Variants in ZFYVE9 observed in about 807,000 individuals in gnomAD.
ZFYVE9 encodes the protein zinc finger FYVE domain-containing protein 9.
A neutral mutation model predicts 126.7 loss-of-function variants in ZFYVE9; 43 were observed. The observed-to-expected ratio is 0.34, with a 90% CI of 0.27 to 0.44. ZFYVE9 has a LOEUF of 0.44. ZFYVE9 is among the 20% of genes least tolerant of loss of function. The pLI is 1.00. For missense variants in ZFYVE9, 1,476 were observed against 1,697.0 expected (o/e 0.87, Z 2.29); for synonymous variants, 521 against 597.4 (o/e 0.87, Z 1.87).
chr1:52,236,910 T>C (rs1376948974), intron 3 of ZFYVE9, among the ~76,000 whole-genome samples: 1 of 152,206 alleles, frequency 6.6e-6, no homozygotes, highest in East Asian at 1.9e-4. Flanking sequence ...GTTTCATTTA[T>C]ACCTTTATCA....
chr1:52,265,281 C>T (rs1361187272), intron 5 of ZFYVE9, among the ~76,000 whole-genome samples: 1 of 152,060 alleles, frequency 6.6e-6, no homozygotes, highest in Non-Finnish European at 1.5e-5. Flanking sequence ...TTCCCTTTCT[C>T]CTTTTCTCTT....
At chr1:52,227,087 A>G (rs1030509133) in intron 2 of ZFYVE9, among the ~76,000 whole-genome samples, 1 of 152,230 alleles carries the variant, frequency 6.6e-6, no homozygotes, top group African/African-American at 2.4e-5. Flanking sequence ...CTACTCACTA[A>G]TGGAATGTTG....
At chr1:52,240,145 G>A (rs1410412810) in intron 4 of ZFYVE9, among the ~76,000 whole-genome samples, 1 of 152,110 alleles carries the variant, frequency 6.6e-6, no homozygotes, top group Non-Finnish European at 1.5e-5. Context: ...TTGATACAAA[G>A]TAGAGTTGAA....
chr1:52,324,845 T>C (rs1646275751), intron 13 of ZFYVE9, among the ~76,000 whole-genome samples: 1 of 152,188 alleles, frequency 6.6e-6, no homozygotes, highest in Admixed American at 6.5e-5. Context: ...CTAAAACTTA[T>C]TTTATTTGGC....
chr1:52,176,985 G>T (rs1054677338), intron 1 of ZFYVE9, among the ~76,000 whole-genome samples: 5 of 152,108 alleles, frequency 3.3e-5, no homozygotes, highest in South Asian at 2.1e-4. Context: ...CTCGTGCACA[G>T]TGCGCTGCAC....
At chr1:52,250,800 C>T (rs188452370) in intron 4 of ZFYVE9, among the ~76,000 whole-genome samples, 1 of 151,836 alleles carries the variant, frequency 6.6e-6, no homozygotes, top group Non-Finnish European at 1.5e-5. Flanking sequence ...TCCTCAACCT[C>T]CTGGGCTCAA....
At chr1:52,301,291 C>CTTTTTTT (rs527599525) in intron 12 of ZFYVE9, among the ~76,000 whole-genome samples, 1 of 72,636 alleles carries the variant, frequency 1.4e-5, no homozygotes, top group Non-Finnish European at 2.5e-5. Flanking sequence ...CTTTTTCCAT[C>CTTTTTTT]TTTTTTTTTT....
At chr1:52,288,199 C>A (rs1017262506) in intron 10 of ZFYVE9, among the ~76,000 whole-genome samples, 5 of 152,198 alleles carry the variant, frequency 3.3e-5, no homozygotes, top group African/African-American at 1.2e-4. Flanking sequence ...CTTAAGATCA[C>A]ACAGTTAGGT....
intron 3 of ZFYVE9, 83 bp from the exon 4 acceptor site, chr1:52,237,405 G>T: frequency 1.7e-6 from 2 of 1,206,512 alleles, no homozygotes; most frequent in South Asian, 1.7e-5. Context: ...ATTTTCAAAC[G>T]ATAGTTAGAA....
At chr1:52,204,226 T>G (rs1644952190) in intron 1 of ZFYVE9, among the ~76,000 whole-genome samples, 1 of 152,142 alleles carries the variant, frequency 6.6e-6, no homozygotes, top group Non-Finnish European at 1.5e-5. Flanking sequence ...GTTCTACGAT[T>G]AAGTCTCAGT....
Position 52,268,603 on chromosome 1 carries a change from C to A in ZFYVE9, c.2596C>A (p.Pro866Thr), listed in dbSNP as rs1193348733. ...GGCTGTGTCACACGACCCAGTCAAG[C>A]CAGTAACTACCAGTCCTCTACCAGC... ...TLAVSHDPVK[P>T]VTTSPLPAET... Residue 866 changes from proline to threonine, a missense_variant, in exon 7 of 19, where the codon CCA becomes ACA. This residue lies in a region of ZFYVE9 where 669 missense variants were observed against 902.4 expected (regional missense o/e 0.74). Coordinates refer to ENST00000287727, the MANE Select transcript of ZFYVE9 (RefSeq NM_004799.4). The A allele has an allele frequency of 6.2e-7, 1 of 1,613,984 alleles. No homozygotes were observed. Among genetic ancestry groups the A allele is most frequent in the Non-Finnish European group, 8.5e-7 (1 of 1,180,010 alleles).
intron 1 of ZFYVE9, among the ~76,000 whole-genome samples, chr1:52,174,164 C>T (rs950565985): frequency 2.0e-5 from 3 of 152,210 alleles, no homozygotes; most frequent in Admixed American, 6.5e-5. Context: ...TCCCTCTACA[C>T]ACTACTTTGA....
At chr1:52,190,723 T>C (rs1276565283) in intron 1 of ZFYVE9, among the ~76,000 whole-genome samples, 1 of 152,204 alleles carries the variant, frequency 6.6e-6, no homozygotes, top group Admixed American at 6.5e-5. Context: ...ACTTTAAACA[T>C]GGCTGAGATA....
intron 1 of ZFYVE9, among the ~76,000 whole-genome samples, chr1:52,192,462 G>T (rs1025912773): frequency 6.6e-6 from 1 of 152,218 alleles, no homozygotes; most frequent in African/African-American, 2.4e-5. Flanking sequence ...TATACTGTCA[G>T]TTGCTTAGAG....
chr1:52,231,566 T>G (rs1311913075), intron 2 of ZFYVE9, among the ~76,000 whole-genome samples: 1 of 152,088 alleles, frequency 6.6e-6, no homozygotes, highest in African/African-American at 2.4e-5. Flanking sequence ...TACCTAAACT[T>G]AAGTAACCTA....
intron 1 of ZFYVE9, among the ~76,000 whole-genome samples, chr1:52,214,613 G>A (rs1645055635): frequency 6.6e-6 from 1 of 152,060 alleles, no homozygotes; most frequent in Admixed American, 6.6e-5. Context: ...AGAAAAACCT[G>A]TAATATTATT....
intron 2 of ZFYVE9, among the ~76,000 whole-genome samples, chr1:52,231,188 A>G (rs1460847996): frequency 6.6e-6 from 1 of 152,168 alleles, no homozygotes; most frequent in African/African-American, 2.4e-5. Context: ...TTGACCTATA[A>G]ATAATTAGAC....
Position 52,160,671 on chromosome 1 carries a change from C to T in ZFYVE9, c.-143+18268C>T, listed in dbSNP as rs1378783221. Reference sequence around the variant, plus strand: ...CCTCGTGATCCGCCTGCGTCGGCCTCCTGCAGTGCTGGGATTACAGGCGTG... The same window carrying T: ...CCTCGTGATCCGCCTGCGTCGGCCTTCTGCAGTGCTGGGATTACAGGCGTG... On this transcript the variant is annotated intron_variant, in intron 1 of 18. Coordinates refer to ENST00000287727, the MANE Select transcript of ZFYVE9 (RefSeq NM_004799.4). The T allele has an allele frequency of 1.2e-5, 7 of 583,990 alleles. No homozygotes were observed. In the African/African-American group the frequency reaches 1.3e-4, roughly 11 times the overall value. The allele number at this position is 583,990 out of a possible 1,614,324, so 36.2% of individuals were successfully genotyped here. A position where few individuals can be genotyped will look rare whatever the true frequency, so the allele number is the denominator to read the frequency against.
intron 4 of ZFYVE9, among the ~76,000 whole-genome samples, chr1:52,253,086 C>T (rs12026327): frequency 0.028 from 4,199 of 152,136 alleles, 112 homozygotes; most frequent in East Asian, 0.12. Context: ...CCAGGGTAAT[C>T]GAGGCTGCAG....
Sources: gnomAD v4.1 joint callset for allele counts (sites outside exome capture counted in the v4.1 genomes callset) on GRCh38, gnomAD v4.1.1 for gene constraint, gnomAD v4.1.1 regional missense constraint, MANE v1.5 for transcripts, NCBI Gene and HGNC (gene_info 2026-07-23, HGNC 2026-07-21) for gene names.